Variants in GRID1 observed in about 807,000 individuals in gnomAD.
The protein encoded by GRID1 is glutamate ionotropic receptor delta type subunit 1, also known as glutamate receptor ionotropic, delta-1.
A neutral mutation model predicts 98.0 loss-of-function variants in GRID1; 28 were observed. The observed-to-expected ratio is 0.29, with a 90% CI of 0.21 to 0.39. The LOEUF is 0.39. Among genes scored for constraint, GRID1 ranks in the 10% least tolerant of loss-of-function variants. The pLI is 1.00. For synonymous variants in GRID1, 553 were observed against 538.5 expected, an observed-to-expected ratio of 1.03 and a Z score of -0.37; for missense variants, 1,111 against 1,340.5, an observed-to-expected ratio of 0.83 and a Z score of 2.67.
intron 5 of GRID1, among the ~76,000 whole-genome samples, chr10:85,877,322 C>T (rs1188267234): frequency 2.0e-5 from 3 of 152,050 alleles, no homozygotes; most frequent in Non-Finnish European, 2.9e-5. Flanking sequence ...GGGTCCCTGA[C>T]CCCCGAGCAG....
intron 6 of GRID1, among the ~76,000 whole-genome samples, chr10:85,867,498 G>A (rs368178800): frequency 1.3e-5 from 2 of 152,126 alleles, no homozygotes; most frequent in African/African-American, 4.8e-5. Flanking sequence ...CACACTCCCT[G>A]AGCCCCATTG....
At chr10:85,813,965 A>G (rs374661425) in intron 8 of GRID1, among the ~76,000 whole-genome samples, 26 of 151,848 alleles carry the variant, frequency 1.7e-4, no homozygotes, top group African/African-American at 6.0e-4. Context: ...GAAAATACAT[A>G]CCCAAAATGT....
In GRID1 at chr10:85,963,151, T is replaced by C. The variant is rs565147985; in HGVS notation, c.727-46912A>G. 6.6e-5 allele frequency among the ~76,000 whole-genome samples: 10 copies of C among 152,282 alleles called. No homozygotes were observed. In the South Asian group the frequency reaches 1.5e-3, roughly 22 times the overall value. On this transcript the variant is annotated intron_variant, in intron 4 of 15. Coordinates refer to ENST00000327946, the MANE Select transcript of GRID1 (RefSeq NM_017551.3). ...TTCCAGAACATGTTCCTGGAGGCAG[T>C]TGAAACTTAGAAGGCTCATGGCTTT...
chr10:85,893,549 G>A (rs913112624), intron 5 of GRID1, among the ~76,000 whole-genome samples: 4 of 152,034 alleles, frequency 2.6e-5, no homozygotes, highest in African/African-American at 9.7e-5. Context: ...AGGAACACAA[G>A]GTCAATATCC....
At chr10:86,103,812 G>A (rs1283590143) in intron 4 of GRID1, among the ~76,000 whole-genome samples, 5 of 120,332 alleles carry the variant, frequency 4.2e-5, no homozygotes, top group African/African-American at 9.7e-5. Flanking sequence ...ACCATGTCAC[G>A]AGAGAGAGAG....
chr10:86,280,070 G>C (rs1430533334), intron 2 of GRID1, among the ~76,000 whole-genome samples: 1 of 152,004 alleles, frequency 6.6e-6, no homozygotes, highest in Non-Finnish European at 1.5e-5. Context: ...AGGCATAGTG[G>C]TGCACATCTT....
chr10:85,948,163 T>C (rs776045349), intron 4 of GRID1, among the ~76,000 whole-genome samples: 5 of 152,224 alleles, frequency 3.3e-5, no homozygotes, highest in Non-Finnish European at 5.9e-5. Flanking sequence ...AAATGTACCA[T>C]GGCAATGTAG....
intron 2 of GRID1, among the ~76,000 whole-genome samples, chr10:86,210,241 T>C (rs1237231032): frequency 6.6e-6 from 1 of 152,084 alleles, no homozygotes; most frequent in Non-Finnish European, 1.5e-5. Flanking sequence ...CAAAGACATA[T>C]AGCCGGGCTG....
intron 4 of GRID1, among the ~76,000 whole-genome samples, chr10:86,044,352 C>T (rs1843389721): frequency 6.6e-6 from 1 of 152,200 alleles, no homozygotes; most frequent in African/African-American, 2.4e-5. Context: ...GGCTTAATGG[C>T]TTTTGACATG....
intron 4 of GRID1, among the ~76,000 whole-genome samples, chr10:86,018,933 G>C (rs1843013709): frequency 6.6e-6 from 1 of 152,190 alleles, no homozygotes; most frequent in Non-Finnish European, 1.5e-5. Flanking sequence ...TTCCATCCAT[G>C]ATGGGCCTTC....
At chr10:86,140,900 T>A (rs1389721443) in intron 3 of GRID1, among the ~76,000 whole-genome samples, 1 of 152,048 alleles carries the variant, frequency 6.6e-6, no homozygotes, top group Admixed American at 6.5e-5. Flanking sequence ...TGTTGGTGCA[T>A]GGGGAGGGCA....
intron 12 of GRID1, among the ~76,000 whole-genome samples, chr10:85,719,197 T>A (rs1288588888): frequency 6.6e-6 from 1 of 152,238 alleles, no homozygotes; most frequent in Non-Finnish European, 1.5e-5. Context: ...TGTTTCACTA[T>A]CAGCATTTTT....
At chr10:85,684,766 A>C (rs1452357673) in intron 12 of GRID1, among the ~76,000 whole-genome samples, 1 of 152,194 alleles carries the variant, frequency 6.6e-6, no homozygotes, top group Non-Finnish European at 1.5e-5. Flanking sequence ...TTATTTTCTC[A>C]CAGTTCTGGA....
intron 4 of GRID1, among the ~76,000 whole-genome samples, chr10:85,966,865 C>A (rs1412594086): frequency 6.6e-6 from 1 of 151,778 alleles, no homozygotes; most frequent in African/African-American, 2.4e-5. Flanking sequence ...TAGCTGACTA[C>A]TAAGAAAACT....
At chr10:85,903,976 C>T (rs1176925738) in intron 5 of GRID1, among the ~76,000 whole-genome samples, 1 of 152,128 alleles carries the variant, frequency 6.6e-6, no homozygotes, top group Admixed American at 6.5e-5. Flanking sequence ...TCATGGGCAC[C>T]CTATGTAAAG....
intron 4 of GRID1, among the ~76,000 whole-genome samples, chr10:86,033,696 G>T (rs1348395334): frequency 1.3e-5 from 2 of 152,198 alleles, no homozygotes; most frequent in African/African-American, 4.8e-5. Flanking sequence ...CTCCAGGCTG[G>T]ACAGGGCTCC....
intron 3 of GRID1, among the ~76,000 whole-genome samples, chr10:86,139,241 T>C (rs4934157): frequency 0.38 from 58,036 of 152,060 alleles, 14,479 homozygotes; most frequent in African/African-American, 0.7. Flanking sequence ...TGTCTCCCCC[T>C]ACAGGTTGGA....
At chr10:86,034,449 T>G (rs1005881766) in intron 4 of GRID1, among the ~76,000 whole-genome samples, 2 of 152,152 alleles carry the variant, frequency 1.3e-5, no homozygotes, top group Non-Finnish European at 2.9e-5. Flanking sequence ...GCCTGGTGGG[T>G]TTAGCTGTCT....
chr10:86,214,474 G>A (rs1846148584), intron 2 of GRID1, among the ~76,000 whole-genome samples: 1 of 152,196 alleles, frequency 6.6e-6, no homozygotes, highest in Non-Finnish European at 1.5e-5. Context: ...CATTTGCCAT[G>A]TTGGACTATT....
Sources: allele counts gnomAD v4.1 joint callset (sites outside exome capture counted in the v4.1 genomes callset), GRCh38; gene constraint gnomAD v4.1.1; transcripts MANE v1.5; gene names NCBI Gene and HGNC (gene_info 2026-07-23, HGNC 2026-07-21).